The following PRKG1 variants were observed in gnomAD, a reference collection of about 807,000 sequenced individuals.
PRKG1 encodes protein kinase cGMP-dependent 1.
In PRKG1, 35 loss-of-function variants were observed where a neutral mutation model predicts 88.1. The observed-to-expected ratio is 0.40, with a 90% CI of 0.30 to 0.53. PRKG1 has a LOEUF of 0.53. Ranked by LOEUF, PRKG1 falls within the 20% of genes least tolerant of loss-of-function variation. The pLI is 0.59. For missense variants in PRKG1, 540 were observed against 839.8 expected, an observed-to-expected ratio of 0.64 and a Z score of 4.41; for synonymous variants, 303 against 292.5, an observed-to-expected ratio of 1.04 and a Z score of -0.37.
At chr10:51,675,551 T>C (rs1840689740) in intron 3 of PRKG1, among the ~76,000 whole-genome samples, 1 of 152,194 alleles carries the variant, frequency 6.6e-6, no homozygotes, top group Admixed American at 6.5e-5. Flanking sequence ...GCCTCAAGAC[T>C]AGAGCATTAG....
Position 51,257,164 on chromosome 10 carries a change from G to GC in PRKG1, c.478+103834_478+103835insC, listed in dbSNP as rs775764548. ...AACTGAAATAGCAAAGTTCAGAGAA[G>GC]GGTTTTTTTTTTTTTTTTGAGAGAA... On this transcript the variant is annotated intron_variant, in intron 2 of 17. Transcript: ENST00000373980. Among the ~76,000 whole-genome samples the GC allele has an allele frequency of 2.6e-3, 372 of 142,466 alleles. 1 individual carries two copies. The highest frequency in any genetic ancestry group is 9.4e-3 in the African/African-American group (343 of 36,300). The allele number at this position is 142,466 out of a possible 152,430, so 93.5% of individuals were successfully genotyped here. A position where few individuals can be genotyped will look rare whatever the true frequency, so the allele number is the denominator to read the frequency against.
intron 5 of PRKG1, among the ~76,000 whole-genome samples, chr10:52,027,540 A>C (rs1845373915): frequency 6.6e-6 from 1 of 152,206 alleles, no homozygotes; most frequent in South Asian, 2.1e-4. Flanking sequence ...AACAATCCAG[A>C]GAATTACATC....
rs531440722 is a variant in PRKG1, at chr10:51,857,816, T to C, written c.699-49691T>C. On this transcript the variant is annotated intron_variant, in intron 4 of 17. Coordinates refer to ENST00000373980, the MANE Select transcript of PRKG1 (RefSeq NM_006258.4). ...AATCACATTCAGGGCACATAGTGGTTAGGGTGTTTGTGAAGCCAATGGAGA... is the reference window on the plus strand; with the variant it reads ...AATCACATTCAGGGCACATAGTGGTCAGGGTGTTTGTGAAGCCAATGGAGA... Among the ~76,000 whole-genome samples, 20 of 151,940 alleles carry C rather than the reference T, an allele frequency of 1.3e-4. No homozygotes were observed. In the South Asian group the frequency reaches 4.1e-3, roughly 32 times the overall value.
chr10:51,811,785 A>G (rs1388414386), intron 4 of PRKG1, among the ~76,000 whole-genome samples: 1 of 152,166 alleles, frequency 6.6e-6, no homozygotes, highest in East Asian at 1.9e-4. Flanking sequence ...TCCTCTAAGG[A>G]AAGAGAAAGT....
At chr10:51,330,227 T>C (rs1841704519) in intron 2 of PRKG1, among the ~76,000 whole-genome samples, 2 of 151,468 alleles carry the variant, frequency 1.3e-5, no homozygotes, top group Non-Finnish European at 2.9e-5. Context: ...CTCAGCTCAC[T>C]GCAACCTCCA....
rs371409852 is a variant in PRKG1 at position 51,153,152 on chromosome 10, C to G, written c.312-12C>G. The G allele has an allele frequency of 1.4e-4, 220 of 1,607,958 alleles. No individual in the cohort carries two copies. In the African/African-American group the frequency reaches 2.7e-3, roughly 20 times the overall value. On this transcript the variant is annotated splice_polypyrimidine_tract_variant and intron_variant, in intron 1 of 17. Coordinates refer to ENST00000373980, the MANE Select transcript of PRKG1 (RefSeq NM_006258.4). ...TCAGATGTGCCAGTAAATCTTCCCT[C>G]TCTTGCCATAGGTCCAAGGATCTTA...
chr10:51,375,506 G>GTTCCAGT (rs1432565706), intron 2 of PRKG1, among the ~76,000 whole-genome samples: 1 of 151,858 alleles, frequency 6.6e-6, no homozygotes, highest in Non-Finnish European at 1.5e-5. Flanking sequence ...AATCCAAAAT[G>GTTCCAGT]TTCCAGTGAG....
chr10:52,086,844 A>G lies in PRKG1; in HGVS notation c.935+24213A>G, dbSNP rs907152797. On this transcript the variant is annotated intron_variant, in intron 7 of 17. Coordinates refer to ENST00000373980, the MANE Select transcript of PRKG1 (RefSeq NM_006258.4). ...ATGTTTAATTGACTCGCAGTTCCGCAGGGCTGGGGAAACCTCAGGAAACTT... is the reference window on the plus strand; with the variant it reads ...ATGTTTAATTGACTCGCAGTTCCGCGGGGCTGGGGAAACCTCAGGAAACTT... Among the ~76,000 whole-genome samples, 20 of 152,296 alleles carry G rather than the reference A, an allele frequency of 1.3e-4. 1 individual carries two copies. Among genetic ancestry groups the G allele is most frequent in the Non-Finnish European group, 4.4e-5 (3 of 68,024 alleles).
intron 2 of PRKG1, among the ~76,000 whole-genome samples, chr10:51,180,446 C>T (rs1002991398): frequency 6.6e-6 from 1 of 152,184 alleles, no homozygotes; most frequent in African/African-American, 2.4e-5. Flanking sequence ...CAAAGATCCC[C>T]ATCTTTGAAG....
chr10:51,012,579 TA>T (rs1843007627), intron 1 of PRKG1, among the ~76,000 whole-genome samples: 1 of 152,214 alleles, frequency 6.6e-6, no homozygotes, highest in African/African-American at 2.4e-5. Flanking sequence ...GCACGCATTT[TA>T]AAACATATTT....
At chr10:51,293,473 T>C (rs1840636470) in intron 2 of PRKG1, among the ~76,000 whole-genome samples, 1 of 152,154 alleles carries the variant, frequency 6.6e-6, no homozygotes, top group Admixed American at 6.5e-5. Flanking sequence ...GATCATGCAA[T>C]AGTTGTCTTT....
chr10:51,206,955 T>C (rs773101859), intron 2 of PRKG1, among the ~76,000 whole-genome samples: 3 of 152,246 alleles, frequency 2.0e-5, no homozygotes, highest in African/African-American at 7.2e-5. Flanking sequence ...AGTTTTCTTA[T>C]TGGAAAATGA....
At chr10:51,129,508 C>G (rs1442046670) in intron 1 of PRKG1, among the ~76,000 whole-genome samples, 1 of 151,738 alleles carries the variant, frequency 6.6e-6, no homozygotes, top group Non-Finnish European at 1.5e-5. Context: ...ATATTTCCAA[C>G]TATCTGCCTG....
intron 1 of PRKG1, among the ~76,000 whole-genome samples, chr10:51,025,028 T>C (rs1194397605): frequency 6.6e-6 from 1 of 152,190 alleles, no homozygotes; most frequent in Admixed American, 6.5e-5. Flanking sequence ...AGCTACCCAG[T>C]TGATTGGACC....
chr10:51,163,869 G>T (rs570903479), intron 2 of PRKG1, among the ~76,000 whole-genome samples: 5 of 152,328 alleles, frequency 3.3e-5, no homozygotes, highest in African/African-American at 9.6e-5. Context: ...GCCCAGGCTC[G>T]CTTAGGTAAA....
At chr10:51,654,083 T>TA (rs201760451) in intron 3 of PRKG1, among the ~76,000 whole-genome samples, 152 of 151,624 alleles carry the variant, frequency 1.0e-3, no homozygotes, top group East Asian at 3.5e-3. Flanking sequence ...CGGGTCATAT[T>TA]AAAAAAAAAT....
intron 1 of PRKG1, among the ~76,000 whole-genome samples, chr10:50,998,476 A>T (rs1172362821): frequency 6.6e-6 from 1 of 152,236 alleles, no homozygotes; most frequent in Non-Finnish European, 1.5e-5. Flanking sequence ...GGCTGGGCAC[A>T]GTGGCTCATG....
chr10:52,200,995 C>A (rs892201374), intron 9 of PRKG1, among the ~76,000 whole-genome samples: 1 of 152,122 alleles, frequency 6.6e-6, no homozygotes, highest in Non-Finnish European at 1.5e-5. Flanking sequence ...TTCTTCCATT[C>A]TGTAGGTTAT....
intron 3 of PRKG1, among the ~76,000 whole-genome samples, chr10:51,481,357 C>T (rs1489670102): frequency 6.6e-6 from 1 of 152,094 alleles, no homozygotes; most frequent in African/African-American, 2.4e-5. Flanking sequence ...AAGCAATTCT[C>T]GTGCCTCAAC....
Sources: allele counts gnomAD v4.1 joint callset (sites outside exome capture counted in the v4.1 genomes callset), GRCh38; gene constraint gnomAD v4.1.1; transcripts MANE v1.5; gene names NCBI Gene and HGNC (gene_info 2026-07-23, HGNC 2026-07-21).